METTL9: variants seen among roughly 807,000 people sequenced by gnomAD.
METTL9 encodes the protein protein-L-histidine N-pros-methyltransferase.
A neutral mutation model predicts 36.0 loss-of-function variants in METTL9; 10 were observed. The observed-to-expected ratio is 0.28, with a 90% CI of 0.17 to 0.47. The LOEUF (loss-of-function observed/expected upper bound fraction) is 0.47. Ranked by LOEUF, METTL9 falls within the 20% of genes least tolerant of loss-of-function variation. METTL9 has a pLI of 0.99. For missense variants in METTL9, 246 were observed against 383.5 expected (o/e 0.64, Z 3.00); for synonymous variants, 175 against 149.7 (o/e 1.17, Z -1.23).
intron 4 of METTL9, among the ~76,000 whole-genome samples, chr16:21,629,757 G>C (rs113781564): frequency 1.1e-4 from 17 of 152,124 alleles, no homozygotes; most frequent in Non-Finnish European, 1.5e-5. Flanking sequence ...CTGCTGGCTT[G>C]GGTGGCCTGC....
chr16:21,642,081 A>G (rs1035044201), intron 4 of METTL9: 11 of 152,450 alleles, frequency 7.2e-5, no homozygotes, highest in Admixed American at 7.2e-4. Flanking sequence ...ACATACACTA[A>G]AATTGGAACA....
intron 4 of METTL9, among the ~76,000 whole-genome samples, chr16:21,637,818 G>A (rs897581861): frequency 3.9e-5 from 6 of 152,242 alleles, no homozygotes; most frequent in Admixed American, 2.6e-4. Flanking sequence ...ACAGCACAGC[G>A]GCGGGCTGAA....
chr16:21,597,571 C>G (rs1386338019), upstream of METTL9, among the ~76,000 whole-genome samples: 1 of 152,216 alleles, frequency 6.6e-6, no homozygotes, highest in Non-Finnish European at 1.5e-5. Flanking sequence ...GCTTGTTCAT[C>G]TGATAACATT....
Position 21,599,935 on chromosome 16 carries a change from C to G in METTL9, c.165+37C>G. 1 of 1,291,284 alleles carries G rather than the reference C, an allele frequency of 7.7e-7. No individual in the cohort carries two copies. Among genetic ancestry groups the G allele is most frequent in the Non-Finnish European group, 9.8e-7 (1 of 1,024,756 alleles). 80.0% of individuals were successfully genotyped at this position (1,291,284 alleles called of 1,614,324 possible). A position where few individuals can be genotyped will look rare whatever the true frequency, so the allele number is the denominator to read the frequency against. On this transcript the variant is annotated intron_variant, in intron 1 of 4. Transcript: ENST00000358154. The surrounding 1 kb of genome is among the most constrained non-coding windows in gnomAD (Gnocchi z 4.4). ...GGCCGGGGCCGGGGCGGGGGCGTGG[C>G]GGCCCGGCCTTCCCGCGCTGGGCCC... is the stretch of plus-strand genomic sequence containing the variant.
intron 4 of METTL9, chr16:21,641,597 CAAT>C: frequency 2.6e-6 from 4 of 1,550,574 alleles, no homozygotes; most frequent in Non-Finnish European, 3.6e-6. Context: ...CTTTCTCCTG[CAAT>C]AATAAATAAA....
chr16:21,598,352 C>CA (rs1161878357), upstream of METTL9, among the ~76,000 whole-genome samples: 3,045 of 58,630 alleles, frequency 0.052, 61 homozygotes, highest in East Asian at 0.1. Context: ...CACTCCGTTT[C>CA]AAAAAAAAAA....
rs934095578 is a variant in METTL9 at position 21,655,724 on chromosome 16, C to A, written c.*292C>A. Reference sequence around the variant, plus strand: ...GGAAGATATTTTTTATACTTAATTGCAGTAGGGACTCATTCCCAGACAAAG... The same window carrying A: ...GGAAGATATTTTTTATACTTAATTGAAGTAGGGACTCATTCCCAGACAAAG... On this transcript the variant is annotated 3_prime_UTR_variant, in exon 5 of 5. Transcript: ENST00000358154. 2 of 300,130 alleles carry A rather than the reference C, an allele frequency of 6.7e-6. No individual in the cohort carries two copies. The highest frequency in any genetic ancestry group is 4.3e-5 in the African/African-American group (2 of 46,448). The allele number at this position is 300,130 out of a possible 1,614,324, so 18.6% of individuals were successfully genotyped here. A position where few individuals can be genotyped will look rare whatever the true frequency, so the allele number is the denominator to read the frequency against.
intron 2 of METTL9, among the ~76,000 whole-genome samples, chr16:21,616,566 C>G (rs149091687): frequency 6.6e-6 from 1 of 152,134 alleles, no homozygotes; most frequent in Non-Finnish European, 1.5e-5. Context: ...TCTTCAATCT[C>G]CAGTTAAACT....
At chr16:21,636,041 T>TA (rs1241222588) in intron 4 of METTL9, among the ~76,000 whole-genome samples, 3 of 152,182 alleles carry the variant, frequency 2.0e-5, no homozygotes, top group Admixed American at 6.6e-5. Context: ...AAAAACCTGT[T>TA]AGAGTCCTAA....
chr16:21,629,615 G>C (rs1965897399), intron 4 of METTL9, among the ~76,000 whole-genome samples: 1 of 152,078 alleles, frequency 6.6e-6, no homozygotes, highest in Non-Finnish European at 1.5e-5. Flanking sequence ...GAGTGAAGCT[G>C]CAGACCTTTG....
intron 4 of METTL9, chr16:21,627,468 T>A (rs1177190230): frequency 3.6e-5 from 24 of 659,452 alleles, no homozygotes; most frequent in Non-Finnish European, 4.3e-5. Context: ...TAGGGGTTAT[T>A]GAATCTAGTG....
At chr16:21,647,348 C>A in intron 4 of METTL9, 1 of 1,614,204 alleles carries the variant, frequency 6.2e-7, no homozygotes, top group Non-Finnish European at 8.5e-7. Context: ...CTGGTGAGCA[C>A]CGTAGCGAAA....
At chr16:21,635,574 A>G (rs551861111) in intron 4 of METTL9, among the ~76,000 whole-genome samples, 2 of 152,208 alleles carry the variant, frequency 1.3e-5, no homozygotes, top group East Asian at 3.9e-4. Flanking sequence ...AAGCTGCAGG[A>G]TAGTATTGTA....
chr16:21,652,745 A>G (rs1966611278), intron 4 of METTL9: 2 of 577,542 alleles, frequency 3.5e-6, no homozygotes, highest in South Asian at 5.6e-5. Context: ...GGATGGCTTC[A>G]CCATTTAACA....
chr16:21,618,112 A>T, intron 3 of METTL9, 38 bp downstream of exon 3: 2 of 1,379,262 alleles, frequency 1.5e-6, no homozygotes, highest in South Asian at 1.4e-5. Context: ...TTCTTCTTGA[A>T]AGTATATTAT....
chr16:21,599,258 C>G (rs1965025067), upstream of METTL9, among the ~76,000 whole-genome samples: 1 of 152,166 alleles, frequency 6.6e-6, no homozygotes, highest in Non-Finnish European at 1.5e-5. This position sits in a 1 kb window ranked among gnomAD's most constrained non-coding sequence, Gnocchi z 4.4. Context: ...GAGGTCCTTC[C>G]AGCACCACCT....
At chr16:21,620,145 C>T (rs1054869673) in intron 3 of METTL9, among the ~76,000 whole-genome samples, 1 of 152,258 alleles carries the variant, frequency 6.6e-6, no homozygotes, top group Non-Finnish European at 1.5e-5. Flanking sequence ...TTAGGGAGAT[C>T]GACCTTCCTA....
At chr16:21,630,075 C>T (rs1293076776) in intron 4 of METTL9, among the ~76,000 whole-genome samples, 1 of 152,222 alleles carries the variant, frequency 6.6e-6, no homozygotes, top group Non-Finnish European at 1.5e-5. Context: ...ACACAGAGTG[C>T]TGATTGGTAC....
chr16:21,628,843 ATT>A (rs1007294322), intron 4 of METTL9, among the ~76,000 whole-genome samples: 7 of 137,896 alleles, frequency 5.1e-5, no homozygotes, highest in Admixed American at 1.4e-4. Flanking sequence ...TATGATGCTA[ATT>A]TTTTTTTTTT....
Sources: gnomAD v4.1 joint callset for allele counts (sites outside exome capture counted in the v4.1 genomes callset) on GRCh38, gnomAD v4.1.1 for gene constraint, Gnocchi (gnomAD v3.1) non-coding constraint, MANE v1.5 for transcripts, NCBI Gene and HGNC (gene_info 2026-07-23, HGNC 2026-07-21) for gene names.